Variants in DHX32 observed in about 807,000 individuals in gnomAD.
The protein encoded by DHX32 is DEAH-box helicase 32 (putative).
DHX32 carries 51 observed loss-of-function variants against 70.0 expected under a neutral mutation model. The ratio of observed to expected loss-of-function variants is 0.73; its 90% confidence interval spans 0.58 to 0.92. The LOEUF (loss-of-function observed/expected upper bound fraction) is 0.92. DHX32 is among the 40% of genes least tolerant of loss of function. The probability of loss-of-function intolerance (pLI) is 0.00; values close to 1 mark genes in which losing one functional copy is unlikely to be tolerated. For synonymous variants in DHX32, 310 were observed against 315.3 expected (o/e 0.98, Z 0.18); for missense variants, 762 against 891.8 (o/e 0.85, Z 1.85).
chr10:125,892,537 T>C (rs1944377469), intron 1 of DHX32, among the ~76,000 whole-genome samples: 1 of 152,274 alleles, frequency 6.6e-6, no homozygotes, highest in Non-Finnish European at 1.5e-5. Flanking sequence ...TATTCTCCAG[T>C]TCAGCCACAA....
chr10:125,852,720 C>A, intron 4 of DHX32, 78 bp from the exon 5 acceptor site: 3 of 1,276,444 alleles, frequency 2.4e-6, no homozygotes, highest in South Asian at 1.4e-5. Context: ...AGAGAATATG[C>A]TGCGCAGTAC....
At chr10:125,893,170 C>A (rs1488119099) in intron 1 of DHX32, among the ~76,000 whole-genome samples, 1 of 152,272 alleles carries the variant, frequency 6.6e-6, no homozygotes, top group African/African-American at 2.4e-5. Flanking sequence ...GGGCATTAGC[C>A]TAATCCTGAA....
rs141841599 is a variant in DHX32, at chr10:125,852,631, C to T, written c.1104G>A (p.Pro368=). ...VGVERRKVYN[P]RIRANSLVMQ... is the part of the protein sequence containing the mutation. ...TGACGAGCGAGTTTGCTCTTATTCT[C>T]GGGTTGTACACCTTTAAATGGAAAG... Residue 368 remains proline (P), a synonymous_variant, in exon 5 of 11, where the codon CCG becomes CCA. Coordinates refer to ENST00000284690, the MANE Select transcript of DHX32 (RefSeq NM_018180.3). 1.5e-4 allele frequency: 245 copies of T among 1,610,560 alleles called. 1 individual carries two copies. In the African/African-American group the frequency reaches 2.9e-3, roughly 19 times the overall value.
chr10:125,883,196 C>T (rs1944327819), upstream of DHX32, among the ~76,000 whole-genome samples: 1 of 152,062 alleles, frequency 6.6e-6, no homozygotes, highest in African/African-American at 2.4e-5. Flanking sequence ...CTTACCTGGC[C>T]CCTTCATCAC....
intron 8 of DHX32, among the ~76,000 whole-genome samples, 183 bp from the exon 9 acceptor site, chr10:125,839,371 G>A (rs1854804411): frequency 6.6e-6 from 1 of 152,254 alleles, no homozygotes; most frequent in South Asian, 2.1e-4. Context: ...CAGCTGTCAG[G>A]GCACTACCAG....
chr10:125,841,002 A>T lies in DHX32; in HGVS notation c.1544-6T>A. On this transcript the variant is annotated splice_polypyrimidine_tract_variant and splice_region_variant and intron_variant, in intron 7 of 10. Transcript: ENST00000284690. Reference sequence around the variant, plus strand: ...ATGTGAAAAGCAATTTGGAGCTTCAAAATGAAAAAGGTCACATGGTTAGCA... The same window carrying T: ...ATGTGAAAAGCAATTTGGAGCTTCATAATGAAAAAGGTCACATGGTTAGCA... The T allele has an allele frequency of 1.3e-6, 2 of 1,592,264 alleles. No homozygotes were observed. Among genetic ancestry groups the T allele is most frequent in the Non-Finnish European group, 1.7e-6 (2 of 1,166,346 alleles).
At chr10:125,892,517 C>G (rs1273140719) in intron 1 of DHX32, among the ~76,000 whole-genome samples, 5 of 152,280 alleles carry the variant, frequency 3.3e-5, no homozygotes, top group African/African-American at 1.2e-4. Context: ...TGCTAATACA[C>G]ATGAAGAAGT....
chr10:125,878,237 A>G (rs143807906), intron 1 of DHX32, among the ~76,000 whole-genome samples: 72 of 152,320 alleles, frequency 4.7e-4, no homozygotes, highest in African/African-American at 1.5e-3. Context: ...GTGTAGACAT[A>G]GGAGTAGCTC....
intron 1 of DHX32, among the ~76,000 whole-genome samples, chr10:125,894,786 C>T (rs1944417418): frequency 6.6e-6 from 1 of 152,288 alleles, no homozygotes; most frequent in African/African-American, 2.4e-5. Flanking sequence ...TATCTTGTCA[C>T]TTTTGATTAT....
rs772571642 is a variant in DHX32 at position 125,836,742 on chromosome 10, TC to T, written c.2176del (p.Glu726AsnfsTer57). ...AGGGCACGTCTCACACATTTGCTGT[TC>T]CTTATTCATTGTTGACACAGGGGAT... Reference protein sequence around the residue: ...HLSPVSTMNKEQQMCETCPET... With the variant: ...HLSPVSTMNKXQQMCETCPET... On this transcript the variant is annotated frameshift_variant, in exon 11 of 11. Coordinates refer to ENST00000284690, the MANE Select transcript of DHX32 (RefSeq NM_018180.3). LOFTEE classifies it high-confidence loss of function. 14 of 1,614,092 alleles carry T rather than the reference TC, an allele frequency of 8.7e-6. No individual in the cohort carries two copies. The African/African-American group carries it at 1.3e-4, about 15-fold the overall frequency.
intron 8 of DHX32, among the ~76,000 whole-genome samples, chr10:125,840,406 T>C (rs1454157537): frequency 6.6e-6 from 1 of 152,206 alleles, no homozygotes; most frequent in African/African-American, 2.4e-5. Context: ...GCCTACCTAT[T>C]CTGCACTAGT....
At chr10:125,879,690 C>T (rs972248294) in intron 1 of DHX32, among the ~76,000 whole-genome samples, 2 of 152,092 alleles carry the variant, frequency 1.3e-5, no homozygotes, top group African/African-American at 2.4e-5. Context: ...TCACTCACAT[C>T]GCCCAGGCTG....
chr10:125,836,547 A>C lies in DHX32; in HGVS notation c.*140T>G. The C allele has an allele frequency of 7.5e-7, 1 of 1,330,864 alleles. No homozygotes were observed. Among genetic ancestry groups the C allele is most frequent in the South Asian group, 1.8e-5 (1 of 55,926 alleles). The allele number at this position is 1,330,864 out of a possible 1,614,324, so 82.4% of individuals were successfully genotyped here. A position where few individuals can be genotyped will look rare whatever the true frequency, so the allele number is the denominator to read the frequency against. On this transcript the variant is annotated 3_prime_UTR_variant, in exon 11 of 11. Transcript: ENST00000284690. ...TAAAAACTTCTATTTTTTATTTTAAAATAATATACACAGTGTTATTTTCTT... is the reference window on the plus strand; with the variant it reads ...TAAAAACTTCTATTTTTTATTTTAACATAATATACACAGTGTTATTTTCTT...
intron 3 of DHX32, among the ~76,000 whole-genome samples, chr10:125,859,036 TG>T: frequency 7.0e-6 from 1 of 142,590 alleles, no homozygotes; most frequent in South Asian, 2.3e-4. Context: ...TTTTTTTGTT[TG>T]TTTGTTTGTT....
intron 1 of DHX32, among the ~76,000 whole-genome samples, chr10:125,895,403 T>C (rs1395984905): frequency 9.9e-5 from 15 of 152,232 alleles, no homozygotes; most frequent in African/African-American, 3.6e-4. Context: ...GAATACCAAA[T>C]CAATCCTGCA....
intron 7 of DHX32, 70 bp from the exon 8 acceptor site, chr10:125,841,066 G>A (rs536278995): frequency 2.0e-6 from 3 of 1,531,568 alleles, no homozygotes; most frequent in East Asian, 4.6e-5. Context: ...CATGCAGAGG[G>A]GAGGGGTCAC....
chr10:125,864,990 T>C (rs966357958), intron 2 of DHX32, among the ~76,000 whole-genome samples: 27 of 141,642 alleles, frequency 1.9e-4, no homozygotes, highest in African/African-American at 4.7e-4. Context: ...AATATCTGAT[T>C]CCATATCATG....
At chr10:125,848,895 A>C (rs942298428) in intron 6 of DHX32, among the ~76,000 whole-genome samples, 2 of 152,208 alleles carry the variant, frequency 1.3e-5, no homozygotes, top group African/African-American at 4.8e-5. Context: ...TATTCAGATA[A>C]ATGAAGTGAA....
intron 10 of DHX32, among the ~76,000 whole-genome samples, chr10:125,837,137 C>T (rs1854717030): frequency 6.6e-6 from 1 of 152,144 alleles, no homozygotes. Context: ...TAGTATTTCC[C>T]CTAAGGCCCA....
Sources: gnomAD v4.1 joint callset for allele counts (sites outside exome capture counted in the v4.1 genomes callset) on GRCh38, gnomAD v4.1.1 for gene constraint, MANE v1.5 for transcripts, NCBI Gene and HGNC (gene_info 2026-07-23, HGNC 2026-07-21) for gene names.